MAP3K13: variants seen among roughly 807,000 people sequenced by gnomAD.
The protein encoded by MAP3K13 is mitogen-activated protein kinase kinase kinase 13.
MAP3K13 carries 52 observed loss-of-function variants against 104.0 expected under a neutral mutation model. The ratio of observed to expected loss-of-function variants is 0.50; its 90% confidence interval spans 0.40 to 0.63. The LOEUF is 0.63. MAP3K13 is among the 20% of genes least tolerant of loss of function. The pLI, the probability that MAP3K13 is intolerant of heterozygous loss-of-function variation, is 0.00. For missense variants in MAP3K13, 914 were observed against 1,218.5 expected (o/e 0.75, Z 3.72); for synonymous variants, 394 against 442.2 (o/e 0.89, Z 1.37).
chr3:185,335,331 A>G (rs944805361), intron 2 of MAP3K13, among the ~76,000 whole-genome samples: 5 of 152,212 alleles, frequency 3.3e-5, no homozygotes, highest in African/African-American at 1.2e-4. Flanking sequence ...TCTTTGATAC[A>G]AAATAATGTA....
chr3:185,361,928 A>G (rs1217114839), upstream of MAP3K13, among the ~76,000 whole-genome samples: 1 of 152,236 alleles, frequency 6.6e-6, no homozygotes, highest in Non-Finnish European at 1.5e-5. Context: ...TGCTGTGTGT[A>G]AAATTATCCT....
intron 1 of MAP3K13, among the ~76,000 whole-genome samples, chr3:185,415,726 G>A (rs1713729429): frequency 6.6e-6 from 1 of 151,908 alleles, no homozygotes; most frequent in South Asian, 2.1e-4. Flanking sequence ...TGGGATTACA[G>A]GCATGTGCCA....
intron 7 of MAP3K13, among the ~76,000 whole-genome samples, chr3:185,462,351 G>A (rs943630949): frequency 6.6e-6 from 1 of 152,164 alleles, no homozygotes; most frequent in African/African-American, 2.4e-5. Flanking sequence ...TTCTGGGAGA[G>A]TGATAATTTC....
At chr3:185,299,979 CTG>C (rs1407222597) in intron 2 of MAP3K13, among the ~76,000 whole-genome samples, 1 of 152,182 alleles carries the variant, frequency 6.6e-6, no homozygotes, top group Non-Finnish European at 1.5e-5. Context: ...AACTGAAACT[CTG>C]TACCCCTTGA....
chr3:185,357,447 T>TAAAAA (rs71162295), intron 2 of MAP3K13, among the ~76,000 whole-genome samples: 1 of 91,346 alleles, frequency 1.1e-5, no homozygotes, highest in South Asian at 3.7e-4. Flanking sequence ...AAACTCCATC[T>TAAAAA]AAAAAAAAAA....
chr3:185,455,648 T>TATGTGACATATATATC lies in MAP3K13; in HGVS notation c.1278+4255_1278+4256insGTGACATATATATCAT, dbSNP rs1560120156. 5.0e-4 allele frequency among the ~76,000 whole-genome samples: 15 copies of TATGTGACATATATATC among 30,286 alleles called. 5 individuals carry two copies. The highest frequency in any genetic ancestry group is 3.3e-3 in the East Asian group (5 of 1,512). The allele number at this position is 30,286 out of a possible 152,430, so 19.9% of individuals were successfully genotyped here. ...TGATATATATATGATATATATGAGA[T>TATGTGACATATATATC]ATATATATGATATATATATGATATA... On this transcript the variant is annotated intron_variant, in intron 7 of 13. Coordinates refer to ENST00000265026, the MANE Select transcript of MAP3K13 (RefSeq NM_004721.5).
In MAP3K13 at chr3:185,483,105, A is replaced by T; in HGVS notation, c.*649A>T. The T allele has an allele frequency of 4.3e-6, 1 of 233,134 alleles. No individual in the cohort carries two copies. Among genetic ancestry groups the T allele is most frequent in the Non-Finnish European group, 8.5e-6 (1 of 117,964 alleles). The allele number at this position is 233,134 out of a possible 1,614,324, so 14.4% of individuals were successfully genotyped here. A position where few individuals can be genotyped will look rare whatever the true frequency, so the allele number is the denominator to read the frequency against. On this transcript the variant is annotated 3_prime_UTR_variant, in exon 14 of 14. Coordinates refer to ENST00000265026, the MANE Select transcript of MAP3K13 (RefSeq NM_004721.5). ...ACCTAGAAAAGTCTGGTGACCAGATACTTGCACCCAATGTCTTCAAGGGCA... is the reference window on the plus strand; with the variant it reads ...ACCTAGAAAAGTCTGGTGACCAGATTCTTGCACCCAATGTCTTCAAGGGCA...
rs1718505198 is a variant in MAP3K13 at position 185,482,226 on chromosome 3, G to A, written c.2800-129G>A. 4 of 681,098 alleles carry A rather than the reference G, an allele frequency of 5.9e-6. No homozygotes were observed. The highest frequency in any genetic ancestry group is 1.1e-5 in the Non-Finnish European group (4 of 376,790). 42.2% of individuals were successfully genotyped at this position (681,098 alleles called of 1,614,324 possible). On this transcript the variant is annotated intron_variant, in intron 13 of 13. Transcript: ENST00000265026. This position sits in a 1 kb window ranked among gnomAD's most constrained non-coding sequence, Gnocchi z 4.5. ...TTTCTTTCTCCATAAGTCCCACAAG[G>A]ACAGGACCTGGTCTCGTTTACCTTT...
At chr3:185,410,272 T>C (rs1442836557) in intron 1 of MAP3K13, among the ~76,000 whole-genome samples, 13 of 152,156 alleles carry the variant, frequency 8.5e-5, no homozygotes, top group Non-Finnish European at 1.8e-4. Flanking sequence ...CACCACATGT[T>C]CTCATTCATA....
At position 185,473,121 on chromosome 3, in the gene MAP3K13, G is replaced by T. The variant is rs373080250; in HGVS notation, c.1790G>T (p.Gly597Val). ...KPRHRRGNSRGSHSDFAAILK... is the reference protein window; with the variant it reads ...KPRHRRGNSRVSHSDFAAILK... Reference sequence around the variant, plus strand: ...CGCCACCGCCGAGGGAATAGCAGAGGCAGCCATAGTGACTTTGCCGCAATC... The same window carrying T: ...CGCCACCGCCGAGGGAATAGCAGAGTCAGCCATAGTGACTTTGCCGCAATC... The change falls in exon 11 of 14, where the codon GGC (glycine) becomes GTC (valine). Residue 597 changes from glycine (G) to valine (V), a missense_variant. Gly to Val is a moderately radical substitution (Grantham distance 109). Around this residue, in one of 3 missense-constraint regions of MAP3K13, gnomAD observed 583 missense variants for 737.4 expected, o/e 0.79. Transcript: ENST00000265026. This position sits in a 1 kb window ranked among gnomAD's most constrained non-coding sequence, Gnocchi z 4.9. 9 of 1,614,032 alleles carry T rather than the reference G, an allele frequency of 5.6e-6. No individual in the cohort carries two copies. In the African/African-American group the frequency reaches 1.2e-4, roughly 22 times the overall value.
intron 3 of MAP3K13, among the ~76,000 whole-genome samples, chr3:185,439,089 A>G (rs1163041264): frequency 6.6e-6 from 1 of 152,158 alleles, no homozygotes; most frequent in African/African-American, 2.4e-5. Context: ...TCTTGGGTAC[A>G]GGTTTTGTAG....
chr3:185,468,488 A>G (rs1338615071), intron 10 of MAP3K13, among the ~76,000 whole-genome samples: 1 of 152,134 alleles, frequency 6.6e-6, no homozygotes, highest in Non-Finnish European at 1.5e-5. Flanking sequence ...TCATTCCTCA[A>G]TAACAGAGGG....
upstream of MAP3K13, among the ~76,000 whole-genome samples, chr3:185,358,400 A>T (rs1723468739): frequency 6.6e-6 from 1 of 152,304 alleles, no homozygotes; most frequent in Middle Eastern, 3.4e-3. Flanking sequence ...ATAATGGACA[A>T]CACAGAAGCA....
chr3:185,373,318 TTGTA>T, intron 1 of MAP3K13, among the ~76,000 whole-genome samples: 1 of 152,232 alleles, frequency 6.6e-6, no homozygotes, highest in East Asian at 1.9e-4. Context: ...TCTCCTATTT[TTGTA>T]TGTAATTCAT....
At chr3:185,350,844 C>T (rs756591926) in intron 2 of MAP3K13, among the ~76,000 whole-genome samples, 3 of 152,130 alleles carry the variant, frequency 2.0e-5, no homozygotes, top group South Asian at 2.1e-4. Context: ...AACTACCATT[C>T]GACATAGCAG....
chr3:185,352,380 G>C (rs1396869765), intron 2 of MAP3K13, among the ~76,000 whole-genome samples: 1 of 152,062 alleles, frequency 6.6e-6, no homozygotes, highest in Non-Finnish European at 1.5e-5. Flanking sequence ...GGAGGCAGAG[G>C]TTGTGGTGAG....
intron 1 of MAP3K13, among the ~76,000 whole-genome samples, chr3:185,424,751 A>G (rs1478994829): frequency 6.6e-6 from 1 of 152,230 alleles, no homozygotes; most frequent in Non-Finnish European, 1.5e-5. Flanking sequence ...ACTTATTATT[A>G]AAAATAGTAA....
intron 7 of MAP3K13, among the ~76,000 whole-genome samples, chr3:185,452,764 G>A (rs953358179): frequency 1.3e-5 from 2 of 152,132 alleles, no homozygotes; most frequent in East Asian, 1.9e-4. Flanking sequence ...TCTCCTCCAC[G>A]TGGCCTCTAT....
rs146191957 is a variant in MAP3K13 at position 185,428,581 on chromosome 3, G to C, written c.-1G>C. ...AGGACTTTGGTTATACTCATGGCACGATGGCCAACTTTCAGGAGCACCTGA... is the reference window on the plus strand; with the variant it reads ...AGGACTTTGGTTATACTCATGGCACCATGGCCAACTTTCAGGAGCACCTGA... On this transcript the variant is annotated 5_prime_UTR_variant, in exon 2 of 14. Coordinates refer to ENST00000265026, the MANE Select transcript of MAP3K13 (RefSeq NM_004721.5). 6.3e-7 allele frequency: 1 copy of C among 1,578,630 alleles called. No individual in the cohort carries two copies. Among genetic ancestry groups the C allele is most frequent in the South Asian group, 1.2e-5 (1 of 85,958 alleles).
Sources: gnomAD v4.1 joint callset for allele counts (sites outside exome capture counted in the v4.1 genomes callset) on GRCh38, gnomAD v4.1.1 for gene constraint, gnomAD v4.1.1 regional missense constraint, Gnocchi (gnomAD v3.1) non-coding constraint, MANE v1.5 for transcripts, NCBI Gene and HGNC (gene_info 2026-07-23, HGNC 2026-07-21) for gene names.